Variants in TUSC3 observed in about 807,000 individuals in gnomAD.
TUSC3 encodes the protein dolichyl-diphosphooligosaccharide--protein glycosyltransferase subunit TUSC3.
Under a neutral mutation model 44.8 loss-of-function variants are expected in TUSC3, and 45 were observed. The observed-to-expected ratio is 1.00, with a 90% CI of 0.79 to 1.29. The LOEUF (loss-of-function observed/expected upper bound fraction) is 1.29, where lower values mean the gene tolerates loss of function less well. Among genes scored for constraint, TUSC3 ranks in the 50% most tolerant of loss-of-function variants. TUSC3 has a pLI of 0.00. For synonymous variants in TUSC3, 212 were observed against 152.9 expected (o/e 1.39, Z -2.85); for missense variants, 519 against 437.9 (o/e 1.19, Z -1.65).
chr8:15,721,458 A>C (rs964816498), intron 6 of TUSC3, among the ~76,000 whole-genome samples: 3 of 152,084 alleles, frequency 2.0e-5, no homozygotes, highest in African/African-American at 7.2e-5. Flanking sequence ...CCAGGATAAA[A>C]ATTAAAATGG....
In TUSC3 at chr8:15,724,316, A is replaced by T. The variant is rs1023347621; in HGVS notation, c.799-6350A>T. On this transcript the variant is annotated intron_variant, in intron 6 of 10. Transcript: ENST00000503731. ...GTATTTTGTTAGGGCAACCAAGCAGACTAAGACACGCAGTAAAAATAAACT... is the reference window on the plus strand; with the variant it reads ...GTATTTTGTTAGGGCAACCAAGCAGTCTAAGACACGCAGTAAAAATAAACT... Among the ~76,000 whole-genome samples the T allele has an allele frequency of 2.0e-5, 3 of 152,120 alleles. No homozygotes were observed. In the South Asian group the frequency reaches 6.2e-4, roughly 32 times the overall value.
the TUSC3 span, among the ~76,000 whole-genome samples, chr8:15,816,536 G>A: frequency 0.35 from 52,582 of 151,934 alleles, 10,155 homozygotes; most frequent in African/African-American, 0.51. Flanking sequence ...AGTGGAAAGG[G>A]TGACTCTTCT....
intron 6 of TUSC3, among the ~76,000 whole-genome samples, chr8:15,701,187 A>G (rs1056203292): frequency 2.0e-5 from 3 of 152,104 alleles, no homozygotes; most frequent in African/African-American, 7.2e-5. Flanking sequence ...ATAAGTGTAT[A>G]TTTCCCTGTA....
At chr8:15,761,033 T>C (rs1328140045) in intron 10 of TUSC3, among the ~76,000 whole-genome samples, 1 of 152,188 alleles carries the variant, frequency 6.6e-6, no homozygotes, top group Non-Finnish European at 1.5e-5. Context: ...TTTCAGTCAT[T>C]TCATTTTCTG....
chr8:15,718,766 T>G (rs1164407431), intron 6 of TUSC3, among the ~76,000 whole-genome samples: 1 of 152,116 alleles, frequency 6.6e-6, no homozygotes, highest in Non-Finnish European at 1.5e-5. Flanking sequence ...ACTTAAATGG[T>G]CTATATTTGT....
chr8:15,673,553 G>C (rs1168331573), intron 5 of TUSC3, among the ~76,000 whole-genome samples, 194 bp from the exon 6 acceptor site: 2 of 152,034 alleles, frequency 1.3e-5, no homozygotes, highest in African/African-American at 4.8e-5. Context: ...CAATTTTATA[G>C]ATACGGAATC....
intron 1 of TUSC3, among the ~76,000 whole-genome samples, chr8:15,555,313 A>C (rs1343021516): frequency 3.5e-5 from 1 of 28,676 alleles, no homozygotes; most frequent in Non-Finnish European, 7.9e-5. Context: ...TTTTTTTTTA[A>C]AGACATGGTC....
chr8:15,750,475 A>G (rs927552607), intron 9 of TUSC3, among the ~76,000 whole-genome samples: 1 of 152,116 alleles, frequency 6.6e-6, no homozygotes, highest in Admixed American at 6.5e-5. Flanking sequence ...TGCACTTGAC[A>G]GCCCTATTTT....
chr8:15,496,811 T>G (rs747680096), intron 2 of TUSC3, among the ~76,000 whole-genome samples: 3 of 152,186 alleles, frequency 2.0e-5, no homozygotes, highest in Non-Finnish European at 2.9e-5. Flanking sequence ...ACACTCACGA[T>G]ACATCACACC....
intron 6 of TUSC3, among the ~76,000 whole-genome samples, chr8:15,685,853 C>A (rs1808605419): frequency 7.2e-6 from 1 of 139,388 alleles, no homozygotes; most frequent in African/African-American, 2.6e-5. Flanking sequence ...TCATTTAGTT[C>A]TTAGGTTTTT....
rs192650328 is a variant in TUSC3, at chr8:15,742,748, G to T, written c.863-790G>T. Among the ~76,000 whole-genome samples the T allele has an allele frequency of 3.2e-4, 48 of 152,290 alleles. No individual in the cohort carries two copies. In the East Asian group the frequency reaches 3.7e-3, roughly 12 times the overall value. On this transcript the variant is annotated intron_variant, in intron 7 of 10. Transcript: ENST00000503731. ...CTCTTCAATTTTTAGTCCATTAATC[G>T]CTTGGGCGAAATACATATTTTCAGA...
At chr8:15,745,101 T>G (rs1245036202) in intron 8 of TUSC3, among the ~76,000 whole-genome samples, 1 of 152,158 alleles carries the variant, frequency 6.6e-6, no homozygotes, top group Non-Finnish European at 1.5e-5. Flanking sequence ...TGAATTCCTA[T>G]TGATGTAAAG....
At chr8:15,436,914 G>A (rs966844461) in intron 1 of TUSC3, among the ~76,000 whole-genome samples, 1 of 152,110 alleles carries the variant, frequency 6.6e-6, no homozygotes, top group East Asian at 1.9e-4. Context: ...TTTACATCTT[G>A]TTGATAATTC....
At chr8:15,643,261 T>G (rs1806465993) in intron 2 of TUSC3, among the ~76,000 whole-genome samples, 2 of 152,340 alleles carry the variant, frequency 1.3e-5, no homozygotes, top group East Asian at 3.9e-4. Flanking sequence ...TTACGCTGTC[T>G]TGGGTATGTC....
chr8:15,508,552 C>T (rs1311019996), intron 2 of TUSC3, among the ~76,000 whole-genome samples: 1 of 148,026 alleles, frequency 6.8e-6, no homozygotes, highest in Non-Finnish European at 1.5e-5. Flanking sequence ...AGCTCCGCCT[C>T]CCGGGTTCGT....
intron 1 of TUSC3, among the ~76,000 whole-genome samples, chr8:15,476,071 T>C (rs1319879872): frequency 6.6e-6 from 1 of 152,206 alleles, no homozygotes; most frequent in African/African-American, 2.4e-5. Flanking sequence ...GAAATTTCAT[T>C]CTGAATAACG....
upstream of TUSC3, among the ~76,000 whole-genome samples, chr8:15,539,827 C>T (rs906135954): frequency 6.6e-6 from 1 of 152,116 alleles, no homozygotes; most frequent in Admixed American, 6.5e-5. Context: ...CTGGAAGGAA[C>T]AGTTGTGAAG....
At chr8:15,562,089 A>G (rs976521867) in intron 1 of TUSC3, among the ~76,000 whole-genome samples, 1 of 152,210 alleles carries the variant, frequency 6.6e-6, no homozygotes, top group Non-Finnish European at 1.5e-5. Flanking sequence ...AAACAGCAGC[A>G]GTAAGAACAG....
chr8:15,844,099 C>G, the TUSC3 span, among the ~76,000 whole-genome samples: 1,354 of 152,190 alleles, frequency 8.9e-3, 27 homozygotes, highest in African/African-American at 0.031. Flanking sequence ...GGTCCTGTCC[C>G]CTTGTTTCAT....
Sources: allele counts gnomAD v4.1 joint callset (sites outside exome capture counted in the v4.1 genomes callset), GRCh38; gene constraint gnomAD v4.1.1; transcripts MANE v1.5; gene names NCBI Gene and HGNC (gene_info 2026-07-23, HGNC 2026-07-21).